Variants in HSPG2 observed in about 807,000 individuals in gnomAD.
HSPG2 encodes the protein heparan sulfate proteoglycan 2, also known as basement membrane-specific heparan sulfate proteoglycan core protein.
Under a neutral mutation model 526.6 loss-of-function variants are expected in HSPG2, and 278 were observed. That is an observed-to-expected ratio of 0.53 (90% CI 0.48 to 0.58). HSPG2 has a LOEUF of 0.58. Ranked by LOEUF, HSPG2 falls within the 20% of genes least tolerant of loss-of-function variation. The pLI is 0.00. For missense variants in HSPG2, 5,354 were observed against 6,099.5 expected (o/e 0.88, Z 4.07); for synonymous variants, 2,465 against 2,555.4 (o/e 0.96, Z 1.07).
chr1:21,873,525 G>T, intron 29 of HSPG2, 101 bp from the exon 30 acceptor site: 1 of 1,161,702 alleles, frequency 8.6e-7, no homozygotes, highest in Non-Finnish European at 1.3e-6. Flanking sequence ...CTCATGCACT[G>T]GAAGAAAAGA....
chr1:21,932,531 C>T (rs1464661808), intron 1 of HSPG2, among the ~76,000 whole-genome samples: 1 of 152,190 alleles, frequency 6.6e-6, no homozygotes, highest in African/African-American at 2.4e-5. Flanking sequence ...GTCCTGCTCT[C>T]GTAGAACTTA....
rs761831588 is a variant in HSPG2, at chr1:21,824,199, T to G, written c.12821A>C (p.Gln4274Pro). The change falls in exon 95 of 97, where the codon CAG becomes CCG. Residue 4274 changes from glutamine to proline, a missense_variant. By Grantham distance (76) the Gln-to-Pro change is moderately conservative. Transcript: ENST00000374695. The surrounding 1 kb of genome is among the most constrained non-coding windows in gnomAD (Gnocchi z 5.9). ...CAGGCGGGCCTCCCCACTACCCAGC[T>G]GGTACCTGCAGTCATCCAGGCCCAA... ...LQDGHLVFRY[Q>P]LGSGEARLVS... 2 of 1,613,692 alleles carry G rather than the reference T, an allele frequency of 1.2e-6. No homozygotes were observed. The highest frequency in any genetic ancestry group is 1.1e-5 in the South Asian group (1 of 91,084).
intron 13 of HSPG2, among the ~76,000 whole-genome samples, chr1:21,883,200 T>C (rs972161106): frequency 5.9e-5 from 9 of 152,144 alleles, no homozygotes; most frequent in Non-Finnish European, 1.3e-4. Flanking sequence ...CTTGCAAGGG[T>C]TTTTGGCAGT....
chr1:21,878,063 C>A, intron 21 of HSPG2, 123 bp downstream of exon 21: 1 of 883,216 alleles, frequency 1.1e-6, no homozygotes. Context: ...GGTCCACCAG[C>A]CTCTGACTGG....
At chr1:21,870,112 G>A in intron 33 of HSPG2, 1 of 382,036 alleles carries the variant, frequency 2.6e-6, no homozygotes, top group Non-Finnish European at 3.6e-6. Flanking sequence ...AAATGGCCCA[G>A]GAAAGCTGGA....
rs780734659 is a variant in HSPG2, at chr1:21,836,809, C to T, written c.10348G>A (p.Val3450Met). 2 of 1,563,048 alleles carry T rather than the reference C, an allele frequency of 1.3e-6. No homozygotes were observed. Among genetic ancestry groups the T allele is most frequent in the South Asian group, 2.3e-5 (2 of 85,484 alleles). ...LPPGHSVQDG[V>M]LRIQNLDQSC... The stretch of plus-strand genomic sequence containing the variant: ...GCCCCCGGCCCCACTCACCGGAGCA[C>T]CCCATCCTGCACGCTGTGACCCGGA... The change falls in exon 75 of 97, where the codon GTG (valine) becomes ATG (methionine). Residue 3450 changes from valine to methionine, a missense_variant. Val to Met is a conservative substitution (Grantham distance 21). Transcript: ENST00000374695.
At chr1:21,843,772 G>A (rs1455307740) in intron 65 of HSPG2, among the ~76,000 whole-genome samples, 14 of 152,092 alleles carry the variant, frequency 9.2e-5, no homozygotes, top group Non-Finnish European at 1.5e-5. Flanking sequence ...TCAGCCTCCT[G>A]AGTAGCTGGG....
intron 1 of HSPG2, among the ~76,000 whole-genome samples, chr1:21,915,410 C>T (rs567860633): frequency 6.8e-4 from 103 of 152,210 alleles, no homozygotes; most frequent in Middle Eastern, 6.8e-3. Context: ...GCAGGGAGCA[C>T]GTGGGAAAAT....
At chr1:21,863,060 C>CAAAAACAAAAAAAAAAAA (rs1423127350) in intron 37 of HSPG2, among the ~76,000 whole-genome samples, 2 of 31,230 alleles carry the variant, frequency 6.4e-5, no homozygotes, top group African/African-American at 3.0e-4. Context: ...GACTCCATCT[C>CAAAAACAAAAAAAAAAAA]AAAAAAAAAA....
chr1:21,888,951 G>A (rs895466210), intron 6 of HSPG2, among the ~76,000 whole-genome samples: 1 of 152,144 alleles, frequency 6.6e-6, no homozygotes, highest in Non-Finnish European at 1.5e-5. Flanking sequence ...TTAGAGGCAG[G>A]GTTTTGCTCT....
intron 90 of HSPG2, 41 bp from the exon 91 acceptor site, chr1:21,827,960 C>A: frequency 6.2e-7 from 1 of 1,609,814 alleles, no homozygotes; most frequent in Non-Finnish European, 8.5e-7. Context: ...GCATAGACAC[C>A]CGTGGGTACT....
chr1:21,870,728 C>A, intron 33 of HSPG2: 1 of 626,376 alleles, frequency 1.6e-6, no homozygotes, highest in Non-Finnish European at 2.0e-6. Context: ...CATGCAGACC[C>A]CCAATGCCTT....
intron 3 of HSPG2, among the ~76,000 whole-genome samples, chr1:21,894,627 A>C (rs1309699009): frequency 1.3e-5 from 2 of 152,010 alleles, no homozygotes. Context: ...GCTGCTTCTC[A>C]GGAAGGGCAG....
rs970051668 is a variant in HSPG2 at position 21,828,692 on chromosome 1, G to A, written c.12237+143C>T. 3.3e-6 allele frequency: 4 copies of A among 1,224,662 alleles called. No individual in the cohort carries two copies. The highest frequency in any genetic ancestry group is 2.4e-4 in the Middle Eastern group (1 of 4,096). 75.9% of individuals were successfully genotyped at this position (1,224,662 alleles called of 1,614,324 possible). A position where few individuals can be genotyped will look rare whatever the true frequency, so the allele number is the denominator to read the frequency against. On this transcript the variant is annotated intron_variant, in intron 88 of 96. Transcript: ENST00000374695. The surrounding 1 kb of genome is among the most constrained non-coding windows in gnomAD (Gnocchi z 6.0). Reference sequence around the variant, plus strand: ...CCCATTTTACAGAGGAGGAAACTGAGGCTCAGAGGTACAGTGTCCTGGCCC... The same window carrying A: ...CCCATTTTACAGAGGAGGAAACTGAAGCTCAGAGGTACAGTGTCCTGGCCC...
rs768324689 is a variant in HSPG2, at chr1:21,847,371, C to T, written c.8147G>A (p.Ser2716Asn). Residue 2716 changes from serine to asparagine, a missense_variant, in exon 62 of 97, where the codon AGC becomes AAC. Coordinates refer to ENST00000374695, the MANE Select transcript of HSPG2 (RefSeq NM_005529.7). This position sits in a 1 kb window ranked among gnomAD's most constrained non-coding sequence, Gnocchi z 4.1. ...AGACTCACCGGAGGGGCTGCCGGCG[C>T]TAGGGGAGACGGAGATGACGATGGA... ...EASIVISVSP[S>N]AGSPSAPGSS... 3.1e-6 allele frequency: 5 copies of T among 1,613,996 alleles called. No individual in the cohort carries two copies. In the South Asian group the frequency reaches 5.5e-5, roughly 18 times the overall value.
rs1642915094 is a variant in HSPG2, at chr1:21,898,653, C to G, written c.64-2343G>C. 6.6e-6 allele frequency among the ~76,000 whole-genome samples: 1 copy of G among 152,196 alleles called. No homozygotes were observed. The highest frequency in any genetic ancestry group is 1.5e-5 in the Non-Finnish European group (1 of 68,036). On this transcript the variant is annotated intron_variant, in intron 1 of 96. Coordinates refer to ENST00000374695, the MANE Select transcript of HSPG2 (RefSeq NM_005529.7). This position sits in a 1 kb window ranked among gnomAD's most constrained non-coding sequence, Gnocchi z 4.0. ...CTGGGTGGGGTAAAGGGCAGTGTTC[C>G]CACTGGCTGGAGCAGGCCTGACTGA...
Position 21,848,171 on chromosome 1 carries a change from C to T in HSPG2, c.7738-78G>A. 1 of 1,507,246 alleles carries T rather than the reference C, an allele frequency of 6.6e-7. No homozygotes were observed. The highest frequency in any genetic ancestry group is 1.2e-5 in the South Asian group (1 of 83,460). 93.4% of individuals were successfully genotyped at this position (1,507,246 alleles called of 1,614,324 possible). On this transcript the variant is annotated intron_variant, in intron 59 of 96. Coordinates refer to ENST00000374695, the MANE Select transcript of HSPG2 (RefSeq NM_005529.7). The surrounding 1 kb of genome is among the most constrained non-coding windows in gnomAD (Gnocchi z 4.9). Reference sequence around the variant, plus strand: ...ACATCTTGGGCACTGCTGCCGCTGCCCCTGGACTCTGGGGGCCTCCCTGCC... The same window carrying T: ...ACATCTTGGGCACTGCTGCCGCTGCTCCTGGACTCTGGGGGCCTCCCTGCC...
At position 21,876,636 on chromosome 1, in the gene HSPG2, C is replaced by T. The variant is rs762266359; in HGVS notation, c.2702G>A (p.Arg901His). 9 of 1,614,196 alleles carry T rather than the reference C, an allele frequency of 5.6e-6. No individual in the cohort carries two copies. The highest frequency in any genetic ancestry group is 1.6e-4 in the Middle Eastern group (1 of 6,062). The change falls in exon 22 of 97, where the codon CGC becomes CAC. Residue 901 changes from arginine to histidine, a missense_variant. Arg to His is a conservative substitution (Grantham distance 29). Coordinates refer to ENST00000374695, the MANE Select transcript of HSPG2 (RefSeq NM_005529.7). ...GCCGTCAGCACATTCATTGCACAAGCGCCCCACCACATTGTTCTGCAGGCA... is the reference window on the plus strand; with the variant it reads ...GCCGTCAGCACATTCATTGCACAAGTGCCCCACCACATTGTTCTGCAGGCA... ...ACRCKNNVVG[R>H]LCNECADGSF...
chr1:21,916,094 C>T (rs1406247074), intron 1 of HSPG2, among the ~76,000 whole-genome samples: 11 of 142,520 alleles, frequency 7.7e-5, no homozygotes, highest in African/African-American at 2.6e-4. Flanking sequence ...AGGCCTGGCA[C>T]GGTGACTCAC....
Sources: gnomAD v4.1 joint callset for allele counts (sites outside exome capture counted in the v4.1 genomes callset) on GRCh38, gnomAD v4.1.1 for gene constraint, Gnocchi (gnomAD v3.1) non-coding constraint, MANE v1.5 for transcripts, NCBI Gene and HGNC (gene_info 2026-07-23, HGNC 2026-07-21) for gene names.